TTC34: variants seen among roughly 807,000 people sequenced by gnomAD.
The protein encoded by TTC34 is tetratricopeptide repeat protein 34.
Under a neutral mutation model 40.7 loss-of-function variants are expected in TTC34, and 44 were observed. That is an observed-to-expected ratio of 1.08 (90% confidence interval 0.85 to 1.39). TTC34 has a LOEUF of 1.39. Among genes scored for constraint, TTC34 ranks in the 40% most tolerant of loss-of-function variants. The pLI is 0.00. For synonymous variants in TTC34, 422 were observed against 398.6 expected (o/e 1.06, Z -0.70); for missense variants, 884 against 838.0 (o/e 1.05, Z -0.68).
At chr1:2,688,255 G>T (rs1384303735) in intron 6 of TTC34, among the ~76,000 whole-genome samples, 1 of 140,434 alleles carries the variant, frequency 7.1e-6, no homozygotes, top group Non-Finnish European at 1.5e-5. Flanking sequence ...ACACCCCCAG[G>T]GGAGCATGTG....
intron 6 of TTC34, among the ~76,000 whole-genome samples, chr1:2,650,659 C>T (rs1286778952): frequency 6.6e-6 from 1 of 151,932 alleles, no homozygotes; most frequent in Admixed American, 6.6e-5. Flanking sequence ...CAACAGCACC[C>T]CACACCCCCA....
At chr1:2,782,627 A>G (rs142835781) in intron 6 of TTC34, among the ~76,000 whole-genome samples, 130 of 152,256 alleles carry the variant, frequency 8.5e-4, no homozygotes, top group African/African-American at 3.1e-3. Flanking sequence ...TTACAGCTAT[A>G]CATTTCCCCC....
At chr1:2,686,282 C>A (rs1383376360) in intron 6 of TTC34, among the ~76,000 whole-genome samples, 1 of 151,818 alleles carries the variant, frequency 6.6e-6, no homozygotes, top group Non-Finnish European at 1.5e-5. Context: ...CACCCACACC[C>A]CCAGGCGAGC....
chr1:2,687,203 AC>A (rs1640402225), intron 6 of TTC34, among the ~76,000 whole-genome samples: 1 of 142,120 alleles, frequency 7.0e-6, no homozygotes, highest in Admixed American at 6.8e-5. Flanking sequence ...CAGCACCCAC[AC>A]CTCCCGGCGA....
chr1:2,675,101 GCCTGGAGCAGTGCCCACACCC>G (rs1639851488), intron 6 of TTC34, among the ~76,000 whole-genome samples: 1 of 119,970 alleles, frequency 8.3e-6, no homozygotes, highest in African/African-American at 2.9e-5. Flanking sequence ...GCATCTGACA[GCCTGGAGCAGTGCCCACACCC>G]CCAGGTGAGA....
chr1:2,691,766 A>C (rs1640630318), intron 6 of TTC34, among the ~76,000 whole-genome samples: 1 of 67,216 alleles, frequency 1.5e-5, no homozygotes, highest in Non-Finnish European at 3.3e-5. Flanking sequence ...ATCTGAACGC[A>C]AATAGCAGCA....
chr1:2,699,370 AC>A lies in TTC34; in HGVS notation c.2227-53808del, dbSNP rs1331155447. ...CTGACAGCCTGGAACAGCACCGCACACCCGCAGGTGAGCATCTGACAGCCTG... is the reference window on the plus strand; with the variant it reads ...CTGACAGCCTGGAACAGCACCGCACACCGCAGGTGAGCATCTGACAGCCTG... On this transcript the variant is annotated intron_variant, in intron 6 of 8. Coordinates refer to ENST00000401095, the Ensembl canonical transcript of TTC34. Among the ~76,000 whole-genome samples the A allele has an allele frequency of 3.2e-4, 33 of 103,072 alleles. 1 individual carries two copies. Among genetic ancestry groups the A allele is most frequent in the African/African-American group, 1.0e-3 (32 of 31,818 alleles). 67.6% of individuals were successfully genotyped at this position (103,072 alleles called of 152,430 possible).
At chr1:2,684,708 C>A (rs1411000359) in intron 6 of TTC34, among the ~76,000 whole-genome samples, 1 of 124,130 alleles carries the variant, frequency 8.1e-6, no homozygotes, top group Non-Finnish European at 1.6e-5. Flanking sequence ...CCTGGAACGG[C>A]AACCACACCC....
intron 3 of TTC34, among the ~76,000 whole-genome samples, chr1:2,788,289 TTG>T (rs748539099): frequency 3.7e-4 from 56 of 151,418 alleles, no homozygotes; most frequent in African/African-American, 1.1e-3. Flanking sequence ...ATGTTGTGTG[TTG>T]TGTGTGTGTT....
At chr1:2,646,885 C>T (rs976652878) in intron 6 of TTC34, among the ~76,000 whole-genome samples, 2 of 152,302 alleles carry the variant, frequency 1.3e-5, no homozygotes, top group South Asian at 2.1e-4. Context: ...ATTTGTCTAA[C>T]GGGTCTTTAA....
In TTC34 at chr1:2,796,788, T is replaced by C. The variant is rs1643713678; in HGVS notation, c.784+3256A>G. Among the ~76,000 whole-genome samples the C allele has an allele frequency of 2.0e-5, 3 of 152,282 alleles. No individual in the cohort carries two copies. The highest frequency in any genetic ancestry group is 6.5e-5 in the Admixed American group (1 of 15,304). ...GATTCGGTGTGACTTTGTTGATCAT[T>C]TTCTGGTAATGCTCAACATATTTGA... is the stretch of plus-strand genomic sequence containing the variant. On this transcript the variant is annotated intron_variant, in intron 2 of 8. Transcript: ENST00000401095. This position sits in a 1 kb window ranked among gnomAD's most constrained non-coding sequence, Gnocchi z 4.5.
intron 6 of TTC34, among the ~76,000 whole-genome samples, chr1:2,759,251 GT>G (rs1641610145): frequency 3.0e-5 from 1 of 33,642 alleles, no homozygotes; most frequent in African/African-American, 1.3e-4. Flanking sequence ...CGGTGCGCAC[GT>G]GACAGCCTGG....
chr1:2,749,404 C>A (rs1641244068), intron 6 of TTC34, among the ~76,000 whole-genome samples: 7 of 137,334 alleles, frequency 5.1e-5, no homozygotes, highest in South Asian at 2.4e-4. Flanking sequence ...CACCCTGCAC[C>A]CCCAGGTGCG....
intron 6 of TTC34, among the ~76,000 whole-genome samples, chr1:2,752,843 C>A (rs1641369675): frequency 6.7e-6 from 1 of 148,602 alleles, no homozygotes. Flanking sequence ...CAGACTGGAA[C>A]AGCACCCACA....
chr1:2,642,346 C>T (rs1470806856), intron 8 of TTC34, among the ~76,000 whole-genome samples: 1 of 152,186 alleles, frequency 6.6e-6, no homozygotes, highest in Non-Finnish European at 1.5e-5. Context: ...ACCTCTCCAT[C>T]GGGCCCTCTG....
At chr1:2,653,828 C>G (rs1421914314) in intron 6 of TTC34, among the ~76,000 whole-genome samples, 8 of 146,702 alleles carry the variant, frequency 5.5e-5, no homozygotes, top group African/African-American at 1.5e-4. Flanking sequence ...GAGCATCTGA[C>G]AGCATGGAGC....
rs943797461 is a variant in TTC34 at position 2,641,303 on chromosome 1, C to A, written c.*65G>T. On this transcript the variant is annotated 3_prime_UTR_variant, in exon 9 of 9. Coordinates refer to ENST00000401095, the Ensembl canonical transcript of TTC34. ...TTAGGGAGCTGGGTACACCCCTGGG[C>A]CTGGACATCAGGTGCAGATGCTAGG... is the stretch of plus-strand genomic sequence containing the variant. 2.3e-4 allele frequency: 331 copies of A among 1,440,252 alleles called. 2 individuals are homozygous for A. The South Asian group carries it at 4.3e-3, about 19-fold the overall frequency. The allele number at this position is 1,440,252 out of a possible 1,614,324, so 89.2% of individuals were successfully genotyped here. A position where few individuals can be genotyped will look rare whatever the true frequency, so the allele number is the denominator to read the frequency against.
At chr1:2,699,065 C>G (rs202081999) in intron 6 of TTC34, among the ~76,000 whole-genome samples, 1 of 56,424 alleles carries the variant, frequency 1.8e-5, no homozygotes, top group African/African-American at 4.2e-5. Flanking sequence ...AGGTGAGCAT[C>G]GGAGAGTCCG....
intron 6 of TTC34, among the ~76,000 whole-genome samples, chr1:2,675,074 C>T (rs1331138765): frequency 7.5e-4 from 95 of 126,372 alleles, no homozygotes; most frequent in African/African-American, 2.5e-3. Context: ...AGGAGCAGTG[C>T]CCACACACCC....
Sources: allele counts gnomAD v4.1 joint callset (sites outside exome capture counted in the v4.1 genomes callset), GRCh38; gene constraint gnomAD v4.1.1; non-coding constraint Gnocchi (gnomAD v3.1); transcripts MANE v1.5; gene names NCBI Gene and HGNC (gene_info 2026-07-23, HGNC 2026-07-21).